Variants in MARS1 observed in about 807,000 individuals in gnomAD.
MARS1 encodes methionine--tRNA ligase, cytoplasmic.
Under a neutral mutation model 119.5 loss-of-function variants are expected in MARS1, and 80 were observed. The ratio of observed to expected loss-of-function variants is 0.67; its 90% CI spans 0.56 to 0.81. MARS1 has a LOEUF of 0.81. Among genes scored for constraint, MARS1 ranks in the 30% least tolerant of loss-of-function variants. The pLI, the probability that MARS1 is intolerant of heterozygous loss-of-function variation, is 0.00. For missense variants in MARS1, 945 were observed against 1,116.5 expected, an observed-to-expected ratio of 0.85 and a Z score of 2.19; for synonymous variants, 418 against 433.4, an observed-to-expected ratio of 0.96 and a Z score of 0.44.
chr12:57,504,433 G>A (rs1594824866), intron 11 of MARS1, 134 bp downstream of exon 11: 1 of 714,840 alleles, frequency 1.4e-6, no homozygotes. Flanking sequence ...CTATTGTCAA[G>A]AGATGAAATA....
Position 57,500,345 on chromosome 12 carries a change from G to A in MARS1, c.1116G>A (p.Gln372=). 6.2e-7 allele frequency: 1 copy of A among 1,614,196 alleles called. No individual in the cohort carries two copies. Among genetic ancestry groups the A allele is most frequent in the South Asian group, 1.1e-5 (1 of 91,078 alleles). The part of the protein sequence containing the change: ...QTKITQDIFQ[Q]LLKRGFVLQD... ...GAATCACCCAGGACATTTTCCAGCA[G>A]TTGCTGAAACGAGGTTTTGTGCTGC... Residue 372 remains glutamine (Q), a synonymous_variant, in exon 10 of 21, where the codon CAG becomes CAA. Transcript: ENST00000262027.
At chr12:57,498,008 G>T in intron 7 of MARS1, 149 bp from the exon 8 acceptor site, 1 of 661,028 alleles carries the variant, frequency 1.5e-6, no homozygotes, top group Non-Finnish European at 2.7e-6. Flanking sequence ...GGGAAGCTGT[G>T]GTCCTGTGGG....
intron 1 of MARS1, chr12:57,488,743 C>A: frequency 1.5e-6 from 2 of 1,306,246 alleles, no homozygotes; most frequent in South Asian, 2.5e-5. Context: ...TACTTTCAGT[C>A]GTTAAGTTCT....
In MARS1 at chr12:57,516,525, T is replaced by G; in HGVS notation, c.2647T>G (p.Leu883Val). ...GAAACTCTTGGATCTAAAGAAACAGTTGGCTGTAGCTGAGGGGAAACCCCC... is the reference window on the plus strand; with the variant it reads ...GAAACTCTTGGATCTAAAGAAACAGGTGGCTGTAGCTGAGGGGAAACCCCC... ...VAKLLDLKKQ[L>V]AVAEGKPPEA... The change falls in exon 21 of 21, where the codon TTG (leucine) becomes GTG (valine). Residue 883 changes from leucine to valine, a missense_variant. Transcript: ENST00000262027. 1 of 1,612,664 alleles carries G rather than the reference T, an allele frequency of 6.2e-7. No homozygotes were observed. The highest frequency in any genetic ancestry group is 8.5e-7 in the Non-Finnish European group (1 of 1,179,598).
intron 11 of MARS1, among the ~76,000 whole-genome samples, chr12:57,509,996 A>G (rs1369147560): frequency 6.6e-6 from 1 of 152,022 alleles, no homozygotes; most frequent in African/African-American, 2.4e-5. Flanking sequence ...CTAAGGGTAT[A>G]TAGCCAAGTG....
At chr12:57,490,057 A>C in intron 5 of MARS1, 86 bp downstream of exon 5, 2 of 1,469,574 alleles carry the variant, frequency 1.4e-6, no homozygotes, top group Non-Finnish European at 1.9e-6. Context: ...ACTCCCTTCA[A>C]GGTACAGCTT....
intron 11 of MARS1, 159 bp from the exon 12 acceptor site, chr12:57,511,538 GC>G: frequency 1.5e-6 from 1 of 667,646 alleles, no homozygotes; most frequent in East Asian, 2.7e-5. Context: ...GATTATGATT[GC>G]ACCACTGCAC....
chr12:57,504,695 ATTTTTT>A (rs34351056), intron 11 of MARS1, among the ~76,000 whole-genome samples: 14 of 83,584 alleles, frequency 1.7e-4, no homozygotes, highest in South Asian at 4.8e-4. Flanking sequence ...TGCCTGACTG[ATTTTTT>A]TTTTTTTTTT....
intron 11 of MARS1, among the ~76,000 whole-genome samples, chr12:57,508,416 CG>C (rs1400159962): frequency 5.3e-5 from 8 of 152,220 alleles, no homozygotes; most frequent in Non-Finnish European, 1.2e-4. Flanking sequence ...CCCGGCACCT[CG>C]GGAGGCCGAG....
chr12:57,501,180 G>A (rs1876899678), intron 10 of MARS1, among the ~76,000 whole-genome samples: 1 of 152,250 alleles, frequency 6.6e-6, no homozygotes, highest in Admixed American at 6.5e-5. Context: ...CAAAGGCCAT[G>A]AGGCAGCTAA....
At position 57,514,957 on chromosome 12, in the gene MARS1, C is replaced by G. The variant is rs1460706054; in HGVS notation, c.2103C>G (p.Ile701Met). The G allele has an allele frequency of 6.2e-7, 1 of 1,614,166 alleles. No individual in the cohort carries two copies. The highest frequency in any genetic ancestry group is 1.1e-5 in the South Asian group (1 of 91,080). The change falls in exon 17 of 21, where the codon ATC (isoleucine) becomes ATG (methionine). Residue 701 changes from isoleucine to methionine, a missense_variant. Coordinates refer to ENST00000262027, the MANE Select transcript of MARS1 (RefSeq NM_004990.4). ...HYHQLLEKVR[I>M]RDALRSILTI... ...GGCCTGCTTCCTCCCTTCCCAGGAT[C>G]CGGGATGCCTTGCGCAGTATCCTCA...
chr12:57,515,983 G>C lies in MARS1; in HGVS notation c.2455G>C (p.Gly819Arg). 3 of 1,614,128 alleles carry C rather than the reference G, an allele frequency of 1.9e-6. No individual in the cohort carries two copies. The highest frequency in any genetic ancestry group is 2.5e-6 in the Non-Finnish European group (3 of 1,179,994). ...QIESLRQRFG[G>R]GQAKTSPKPA... ...TGAAAGTTTAAGGCAGCGCTTTGGA[G>C]GGGGCCAGGTGAGAAAGCTAAAGGC... The change falls in exon 19 of 21, where the codon GGG (glycine) becomes CGG (arginine). Residue 819 changes from glycine to arginine, a missense_variant. Transcript: ENST00000262027.
intron 14 of MARS1, 185 bp downstream of exon 14, chr12:57,512,538 TA>T (rs1268411540): frequency 1.8e-4 from 114 of 643,748 alleles, no homozygotes; most frequent in Non-Finnish European, 2.8e-4. Context: ...AGTCTAAAGC[TA>T]AAACTCTTTA....
In MARS1 at chr12:57,505,466, T is replaced by C. The variant is rs146375381; in HGVS notation, c.1368+1167T>C. On this transcript the variant is annotated intron_variant, in intron 11 of 20. Transcript: ENST00000262027. ...TGTGAGCCACCATCCCAGCCTGACC[T>C]CCTTTTTAAAATACAGTGTTCCTCC... Among the ~76,000 whole-genome samples the C allele has an allele frequency of 4.1e-4, 62 of 152,034 alleles. 1 individual carries two copies. Among genetic ancestry groups the C allele is most frequent in the African/African-American group, 1.4e-3 (59 of 41,494 alleles).
chr12:57,514,646 T>G, intron 15 of MARS1, 74 bp from the exon 16 acceptor site: 1 of 1,587,870 alleles, frequency 6.3e-7, no homozygotes. Flanking sequence ...GGAAATTGGG[T>G]GAAATTCTAA....
rs1373887661 is a variant in MARS1 at position 57,498,220 on chromosome 12, C to A, written c.834C>A (p.Val278=). 1.2e-6 allele frequency: 2 copies of A among 1,614,200 alleles called. No individual in the cohort carries two copies. Among genetic ancestry groups the A allele is most frequent in the Middle Eastern group, 1.6e-4 (1 of 6,062 alleles). ...ITSALPYVNN[V]PHLGNIIGCV... is the part of the protein sequence containing the mutation. Reference sequence around the variant, plus strand: ...GTGCCCTCCCTTACGTCAACAATGTCCCCCACCTTGGGAACATCATTGGTT... The same window carrying A: ...GTGCCCTCCCTTACGTCAACAATGTACCCCACCTTGGGAACATCATTGGTT... The change falls in exon 8 of 21, where the codon GTC becomes GTA. Residue 278 remains valine (V), a synonymous_variant. Transcript: ENST00000262027.
chr12:57,496,657 G>T (rs963517887), intron 7 of MARS1, among the ~76,000 whole-genome samples: 1 of 151,772 alleles, frequency 6.6e-6, no homozygotes, highest in African/African-American at 2.4e-5. Context: ...CCTGCCTGAA[G>T]TTCCAGCTAC....
chr12:57,500,211 C>A, intron 9 of MARS1, 110 bp from the exon 10 acceptor site: 1 of 856,144 alleles, frequency 1.2e-6, no homozygotes, highest in Non-Finnish European at 2.0e-6. Context: ...GAGGAGCCTT[C>A]TGCCTGATTT....
chr12:57,515,110 A>G, intron 17 of MARS1, 40 bp from the exon 18 acceptor site: 1 of 1,614,046 alleles, frequency 6.2e-7, no homozygotes, highest in South Asian at 1.1e-5. Context: ...TGTAAGCTGT[A>G]TCCTCCTGGA....
Sources: gnomAD v4.1 joint callset for allele counts (sites outside exome capture counted in the v4.1 genomes callset) on GRCh38, gnomAD v4.1.1 for gene constraint, MANE v1.5 for transcripts, NCBI Gene and HGNC (gene_info 2026-07-23, HGNC 2026-07-21) for gene names.